Variants in SLC35F1 observed in about 807,000 individuals in gnomAD.
The protein encoded by SLC35F1 is chromosome 6 open reading frame 169.
Under a neutral mutation model 48.7 loss-of-function variants are expected in SLC35F1, and 14 were observed. The observed-to-expected ratio is 0.29, with a 90% CI of 0.19 to 0.45. The LOEUF is 0.45. Among genes scored for constraint, SLC35F1 ranks in the 20% least tolerant of loss-of-function variants. SLC35F1 has a pLI of 1.00. For missense variants in SLC35F1, 404 were observed against 500.0 expected (o/e 0.81, Z 1.83); for synonymous variants, 190 against 202.2 (o/e 0.94, Z 0.51).
At position 118,226,485 on chromosome 6, in the gene SLC35F1, T is replaced by TACACACACAC. The variant is rs1233953929; in HGVS notation, c.350-9012_350-9003dup. Among the ~76,000 whole-genome samples, 754 of 150,848 alleles carry TACACACACAC rather than the reference T, an allele frequency of 5.0e-3. 8 individuals carry two copies. Among genetic ancestry groups the TACACACACAC allele is most frequent in the East Asian group, 0.036 (184 of 5,130 alleles). On this transcript the variant is annotated intron_variant, in intron 2 of 7. Transcript: ENST00000360388. ...AAGTGTCCATCAACTGATGAATGGA[T>TACACACACAC]ACACACACACACACACACACAATGG... is the stretch of plus-strand genomic sequence containing the variant.
rs143992339 is a variant in SLC35F1 at position 118,117,636 on chromosome 6, T to C, written c.174-36809T>C. Among the ~76,000 whole-genome samples, 402 of 152,262 alleles carry C rather than the reference T, an allele frequency of 2.6e-3. 4 individuals carry two copies. Among genetic ancestry groups the C allele is most frequent in the Admixed American group, 7.1e-3 (108 of 15,276 alleles). On this transcript the variant is annotated intron_variant, in intron 1 of 7. Transcript: ENST00000360388. ...TATCAATGTTAAATGTATGGTTTGA[T>C]GAATTTGCATAATTATATACAATCA...
intron 2 of SLC35F1, among the ~76,000 whole-genome samples, chr6:118,209,538 C>A (rs2114546523): frequency 6.6e-6 from 1 of 152,228 alleles, no homozygotes; most frequent in Admixed American, 6.5e-5. Context: ...CAGAGTCTAA[C>A]AAGTGGATGT....
chr6:117,988,825 G>C (rs1776881043), intron 1 of SLC35F1, among the ~76,000 whole-genome samples: 1 of 152,138 alleles, frequency 6.6e-6, no homozygotes, highest in South Asian at 2.1e-4. Context: ...GTTTCTGTTT[G>C]GGATGATGAA....
At chr6:118,005,327 A>G (rs898301635) in intron 1 of SLC35F1, among the ~76,000 whole-genome samples, 1 of 152,196 alleles carries the variant, frequency 6.6e-6, no homozygotes, top group East Asian at 1.9e-4. Context: ...TGTGGGGGCC[A>G]TTGAACAGCA....
chr6:118,055,955 T>C (rs12191412), intron 1 of SLC35F1, among the ~76,000 whole-genome samples: 37,707 of 152,122 alleles, frequency 0.25, 4,891 homozygotes, highest in East Asian at 0.36. Flanking sequence ...AGTCAGCATT[T>C]CAGAAAGACA....
chr6:118,300,469 A>G (rs1015948371), intron 7 of SLC35F1, among the ~76,000 whole-genome samples: 3 of 152,330 alleles, frequency 2.0e-5, no homozygotes, highest in African/African-American at 7.2e-5. Flanking sequence ...CTAAAACACT[A>G]TATGAACATT....
intron 7 of SLC35F1, among the ~76,000 whole-genome samples, chr6:118,291,390 TA>T (rs1476466133): frequency 6.6e-6 from 1 of 152,216 alleles, no homozygotes; most frequent in African/African-American, 2.4e-5. Flanking sequence ...TTCCCATTTT[TA>T]AATTGGTCAC....
chr6:118,300,260 A>G (rs907217790), intron 7 of SLC35F1, among the ~76,000 whole-genome samples: 10 of 152,200 alleles, frequency 6.6e-5, no homozygotes, highest in Non-Finnish European at 1.2e-4. Context: ...AGTGGGTATT[A>G]TATGTAATCT....
chr6:118,261,990 C>A (rs1031742480), intron 3 of SLC35F1, among the ~76,000 whole-genome samples: 1 of 152,096 alleles, frequency 6.6e-6, no homozygotes, highest in Non-Finnish European at 1.5e-5. Context: ...TCTTGTGGAC[C>A]AAAGACTTGT....
At chr6:117,918,155 A>C (rs1049664278) in intron 1 of SLC35F1, among the ~76,000 whole-genome samples, 14 of 152,080 alleles carry the variant, frequency 9.2e-5, no homozygotes, top group African/African-American at 3.4e-4. Context: ...TGTGAGGTGG[A>C]GGTGTTGAGA....
intron 7 of SLC35F1, among the ~76,000 whole-genome samples, chr6:118,300,296 G>A (rs1776241226): frequency 6.6e-6 from 1 of 152,106 alleles, no homozygotes; most frequent in African/African-American, 2.4e-5. Context: ...TATACAGGAA[G>A]TCATATGCAA....
intron 1 of SLC35F1, among the ~76,000 whole-genome samples, chr6:118,056,386 A>G (rs1255413322): frequency 6.6e-6 from 1 of 152,210 alleles, no homozygotes; most frequent in East Asian, 1.9e-4. Flanking sequence ...TATACATCTC[A>G]AAAGCAGTGC....
chr6:118,162,927 C>T (rs894862002), intron 2 of SLC35F1, among the ~76,000 whole-genome samples: 1 of 151,610 alleles, frequency 6.6e-6, no homozygotes, highest in Non-Finnish European at 1.5e-5. Context: ...TAGTGCATTT[C>T]GTGTGTGTGC....
intron 1 of SLC35F1, among the ~76,000 whole-genome samples, chr6:118,133,905 T>C (rs1773754201): frequency 1.3e-5 from 2 of 152,228 alleles, no homozygotes; most frequent in South Asian, 4.1e-4. Flanking sequence ...CTCTGCTTCC[T>C]AGAAGCGTTG....
chr6:118,065,274 C>G (rs1772596363), intron 1 of SLC35F1, among the ~76,000 whole-genome samples: 1 of 152,122 alleles, frequency 6.6e-6, no homozygotes, highest in African/African-American at 2.4e-5. Flanking sequence ...AATCTATAAT[C>G]TGGTTTCTGC....
intron 4 of SLC35F1, among the ~76,000 whole-genome samples, chr6:118,272,799 T>C (rs1378434632): frequency 6.8e-6 from 1 of 147,586 alleles, no homozygotes; most frequent in Non-Finnish European, 1.5e-5. Flanking sequence ...CATAGAAATT[T>C]AGACCTACAA....
At chr6:118,162,724 G>T (rs553086658) in intron 2 of SLC35F1, among the ~76,000 whole-genome samples, 1 of 152,246 alleles carries the variant, frequency 6.6e-6, no homozygotes, top group South Asian at 2.1e-4. Flanking sequence ...TAGACAACAA[G>T]AATGAATACT....
intron 7 of SLC35F1, among the ~76,000 whole-genome samples, chr6:118,306,171 T>A (rs1311942223): frequency 6.6e-6 from 1 of 151,248 alleles, no homozygotes; most frequent in Non-Finnish European, 1.5e-5. Context: ...GAGCCCAAAA[T>A]GGCCAGGTGG....
intron 2 of SLC35F1, among the ~76,000 whole-genome samples, chr6:118,230,540 A>G (rs916660553): frequency 3.3e-5 from 5 of 152,232 alleles, no homozygotes; most frequent in Non-Finnish European, 7.3e-5. Context: ...AGGATAAGCC[A>G]TGAAGAAGCC....
Sources: gnomAD v4.1 joint callset for allele counts (sites outside exome capture counted in the v4.1 genomes callset) on GRCh38, gnomAD v4.1.1 for gene constraint, MANE v1.5 for transcripts, NCBI Gene and HGNC (gene_info 2026-07-23, HGNC 2026-07-21) for gene names.